Variants in EXOC6 observed in about 807,000 individuals in gnomAD.
EXOC6 encodes exocyst complex component 6.
A neutral mutation model predicts 112.5 loss-of-function variants in EXOC6; 60 were observed. That is an observed-to-expected ratio of 0.53 (90% CI 0.43 to 0.66). The LOEUF is 0.66. EXOC6 is among the 30% of genes least tolerant of loss of function. The pLI is 0.00. For missense variants in EXOC6, 855 were observed against 957.1 expected, an observed-to-expected ratio of 0.89 and a Z score of 1.41; for synonymous variants, 295 against 308.0, an observed-to-expected ratio of 0.96 and a Z score of 0.44.
intron 5 of EXOC6, among the ~76,000 whole-genome samples, chr10:92,906,867 G>A (rs972054690): frequency 6.6e-6 from 1 of 152,040 alleles, no homozygotes; most frequent in Non-Finnish European, 1.5e-5. Context: ...TATAGGTTTT[G>A]TATTTTTCTA....
intron 10 of EXOC6, 52 bp downstream of exon 10, chr10:92,934,242 G>A: frequency 6.6e-7 from 1 of 1,522,798 alleles, no homozygotes. Context: ...TATGTTAAAT[G>A]CCAGAAATAC....
At chr10:92,941,178 T>A (rs1852647976) in intron 13 of EXOC6, among the ~76,000 whole-genome samples, 1 of 152,220 alleles carries the variant, frequency 6.6e-6, no homozygotes. Flanking sequence ...GAATCAGATA[T>A]GTTTGTTCTT....
chr10:92,893,595 C>A, intron 2 of EXOC6, 75 bp downstream of exon 2: 1 of 1,208,214 alleles, frequency 8.3e-7, no homozygotes, highest in Non-Finnish European at 1.2e-6. Context: ...TACATATGTA[C>A]AAGTCATTAT....
chr10:92,956,965 A>G (rs1481771434), intron 17 of EXOC6, among the ~76,000 whole-genome samples: 1 of 152,058 alleles, frequency 6.6e-6, no homozygotes, highest in African/African-American at 2.4e-5. Context: ...GGCTCTGAGC[A>G]CTCTGTTTAG....
In EXOC6 at chr10:92,931,996, T is replaced by C. The variant is rs182608902; in HGVS notation, c.973-2148T>C. 2.9e-3 allele frequency among the ~76,000 whole-genome samples: 445 copies of C among 152,278 alleles called. 2 individuals are homozygous for C. The highest frequency in any genetic ancestry group is 0.01 in the African/African-American group (427 of 41,566). Reference sequence around the variant, plus strand: ...GTGGCTCATATGTGAATGTTTGTAGTAGCTTTATTATAAACACCAAAAACT... The same window carrying C: ...GTGGCTCATATGTGAATGTTTGTAGCAGCTTTATTATAAACACCAAAAACT... On this transcript the variant is annotated intron_variant, in intron 9 of 21. Transcript: ENST00000260762.
intron 17 of EXOC6, among the ~76,000 whole-genome samples, chr10:92,970,829 C>A (rs1004792095): frequency 6.6e-6 from 1 of 152,164 alleles, no homozygotes; most frequent in African/African-American, 2.4e-5. Flanking sequence ...CCCACCATGG[C>A]AGTGAGTAGT....
At chr10:92,920,827 T>C (rs1294399712) in intron 8 of EXOC6, among the ~76,000 whole-genome samples, 1 of 152,206 alleles carries the variant, frequency 6.6e-6, no homozygotes, top group African/African-American at 2.4e-5. Context: ...TGACCTTTTT[T>C]AAAAAAATCA....
At chr10:92,834,887 CT>C in intron 1 of EXOC6, 1 of 939,174 alleles carries the variant, frequency 1.1e-6, no homozygotes, top group Non-Finnish European at 1.7e-6. Flanking sequence ...CTTTACCCTG[CT>C]TTTTATAATT....
intron 8 of EXOC6, among the ~76,000 whole-genome samples, chr10:92,926,098 GA>G (rs1161453226): frequency 6.7e-6 from 1 of 149,690 alleles, no homozygotes; most frequent in Non-Finnish European, 1.5e-5. Context: ...GTCAGAATTT[GA>G]ACCAGAAAGT....
At chr10:92,877,836 A>G (rs1848748897) in intron 1 of EXOC6, among the ~76,000 whole-genome samples, 1 of 152,204 alleles carries the variant, frequency 6.6e-6, no homozygotes, top group Admixed American at 6.5e-5. Context: ...TAGTTTTAAA[A>G]ATATATTTTT....
intron 8 of EXOC6, among the ~76,000 whole-genome samples, chr10:92,925,324 G>A (rs1448983443): frequency 1.3e-5 from 2 of 151,016 alleles, no homozygotes; most frequent in African/African-American, 2.4e-5. Flanking sequence ...AGACAGAGTC[G>A]TGCTCTGTTG....
At chr10:92,949,875 C>A (rs1412700553) in intron 14 of EXOC6, among the ~76,000 whole-genome samples, 2 of 152,102 alleles carry the variant, frequency 1.3e-5, no homozygotes, top group African/African-American at 2.4e-5. Flanking sequence ...GGATTACAGG[C>A]GTGAGCCACT....
At chr10:92,952,799 G>A (rs1355118929) in intron 15 of EXOC6, among the ~76,000 whole-genome samples, 2 of 152,158 alleles carry the variant, frequency 1.3e-5, no homozygotes, top group Non-Finnish European at 2.9e-5. Flanking sequence ...TTATGGCTGT[G>A]TAGTATTCCA....
chr10:93,055,811 A>T (rs921774372), intron 20 of EXOC6, among the ~76,000 whole-genome samples: 4 of 152,218 alleles, frequency 2.6e-5, no homozygotes, highest in Non-Finnish European at 4.4e-5. Flanking sequence ...GAAAATCTCT[A>T]TTAATACCTG....
intron 18 of EXOC6, among the ~76,000 whole-genome samples, chr10:92,988,104 C>G (rs374447554): frequency 5.9e-5 from 9 of 152,148 alleles, no homozygotes; most frequent in African/African-American, 2.2e-4. Context: ...TCTCTACTAC[C>G]CTGATCCCAA....
At chr10:92,838,592 C>T (rs373292359) in intron 1 of EXOC6, among the ~76,000 whole-genome samples, 10 of 152,292 alleles carry the variant, frequency 6.6e-5, no homozygotes, top group African/African-American at 2.4e-4. Context: ...GCCAATGAAA[C>T]ATCCATTAAA....
chr10:92,855,059 A>T (rs1847534199), intron 1 of EXOC6, among the ~76,000 whole-genome samples: 1 of 152,056 alleles, frequency 6.6e-6, no homozygotes, highest in Admixed American at 6.5e-5. Flanking sequence ...TTTATTGAGA[A>T]TTTCTACATC....
chr10:92,918,485 G>T (rs1264781728), intron 7 of EXOC6, among the ~76,000 whole-genome samples: 2 of 151,696 alleles, frequency 1.3e-5, no homozygotes, highest in Non-Finnish European at 1.5e-5. Flanking sequence ...CATAATCATG[G>T]CTTACTGTAA....
intron 19 of EXOC6, among the ~76,000 whole-genome samples, chr10:93,004,643 T>G (rs1429875222): frequency 6.6e-6 from 1 of 152,192 alleles, no homozygotes; most frequent in East Asian, 1.9e-4. Flanking sequence ...TCTTTTCCTG[T>G]TTTTCTACTT....
Sources: allele counts gnomAD v4.1 joint callset (sites outside exome capture counted in the v4.1 genomes callset), GRCh38; gene constraint gnomAD v4.1.1; transcripts MANE v1.5; gene names NCBI Gene and HGNC (gene_info 2026-07-23, HGNC 2026-07-21).